PHF14: variants seen among roughly 807,000 people sequenced by gnomAD.
The protein encoded by PHF14 is PHD finger protein 14.
A neutral mutation model predicts 117.9 loss-of-function variants in PHF14; 55 were observed. The observed-to-expected ratio is 0.47, with a 90% CI of 0.38 to 0.58. The LOEUF (loss-of-function observed/expected upper bound fraction) is 0.58. Among genes scored for constraint, PHF14 ranks in the 20% least tolerant of loss-of-function variants. The pLI is 0.00. For synonymous variants in PHF14, 409 were observed against 368.6 expected (o/e 1.11, Z -1.26); for missense variants, 978 against 1,122.2 (o/e 0.87, Z 1.84).
In PHF14 at chr7:11,140,045, C is replaced by T. The variant is rs189309630; in HGVS notation, c.2772+28578C>T. 2.6e-5 allele frequency among the ~76,000 whole-genome samples: 4 copies of T among 152,212 alleles called. No individual in the cohort carries two copies. In the East Asian group the frequency reaches 7.7e-4, roughly 29 times the overall value. The stretch of plus-strand genomic sequence containing the variant: ...ATACATGTTACCCTGTAACACCTTA[C>T]ACGTTCCTACACACTATTCTGTACA... On this transcript the variant is annotated intron_variant, in intron 17 of 17. Coordinates refer to ENST00000634607, the MANE Select transcript of PHF14 (RefSeq NM_001007157.2).
chr7:11,017,833 A>G (rs757576239), intron 5 of PHF14, among the ~76,000 whole-genome samples: 12 of 152,204 alleles, frequency 7.9e-5, no homozygotes, highest in Middle Eastern at 6.8e-3. Flanking sequence ...CGCTCAAGAA[A>G]TTTTACCCAG....
At chr7:11,042,204 C>T (rs1277052407) in intron 12 of PHF14, among the ~76,000 whole-genome samples, 4 of 151,794 alleles carry the variant, frequency 2.6e-5, no homozygotes, top group African/African-American at 9.7e-5. Context: ...TGCAGTATAT[C>T]TACATGTTGA....
At chr7:11,148,101 T>TC (rs1190795447) in intron 17 of PHF14, among the ~76,000 whole-genome samples, 1 of 152,188 alleles carries the variant, frequency 6.6e-6, no homozygotes, top group Admixed American at 6.5e-5. Flanking sequence ...ATTACAGTAC[T>TC]CCAAGTTACC....
chr7:11,037,374 C>T (rs1285422760), intron 10 of PHF14, among the ~76,000 whole-genome samples: 1 of 152,050 alleles, frequency 6.6e-6, no homozygotes, highest in Non-Finnish European at 1.5e-5. Flanking sequence ...AGGGAGAAAA[C>T]TGAATCCTGA....
chr7:11,006,945 C>G, intron 4 of PHF14: 3 of 439,448 alleles, frequency 6.8e-6, no homozygotes, highest in South Asian at 5.8e-5. Flanking sequence ...GAGGCTGAGG[C>G]ATGTGGATCA....
At chr7:11,140,833 C>G (rs1036351055) in intron 17 of PHF14, among the ~76,000 whole-genome samples, 1 of 152,068 alleles carries the variant, frequency 6.6e-6, no homozygotes, top group Non-Finnish European at 1.5e-5. Context: ...TTCCCAAGTA[C>G]TTACTGACAC....
intron 14 of PHF14, among the ~76,000 whole-genome samples, chr7:11,057,310 T>C (rs1785052230): frequency 6.6e-6 from 1 of 152,176 alleles, no homozygotes; most frequent in South Asian, 2.1e-4. Flanking sequence ...TTAGTCCAAA[T>C]GATAGAAAAG....
Position 10,982,523 on chromosome 7 carries a change from A to T in PHF14, c.264A>T (p.Glu88Asp). The change falls in exon 3 of 18, where the codon GAA (glutamate) becomes GAT (aspartate). Residue 88 changes from glutamate (E) to aspartate (D), a missense_variant. Physicochemically the swap from Glu to Asp is conservative, Grantham distance 45 (BLOSUM62 2). Around this residue, in one of 7 missense-constraint regions of PHF14, gnomAD observed 414 missense variants for 376.4 expected, o/e 1.10. Coordinates refer to ENST00000634607, the MANE Select transcript of PHF14 (RefSeq NM_001007157.2). ...EEQLKNSAEE[E>D]VLSSEKQLIK... ...AACTTAAAAATTCTGCAGAGGAAGA[A>T]GTACTATCATCAGAAAAACAATTAA... 6.5e-7 allele frequency: 1 copy of T among 1,537,358 alleles called. No homozygotes were observed.
intron 16 of PHF14, chr7:11,106,156 A>G (rs910905074): frequency 2.2e-5 from 22 of 981,296 alleles, no homozygotes; most frequent in Non-Finnish European, 2.5e-5. Flanking sequence ...TTTCACATTT[A>G]ATCTTGTAAT....
intron 16 of PHF14, chr7:11,104,252 C>T: frequency 1.0e-6 from 1 of 984,418 alleles, no homozygotes. Flanking sequence ...TATTCTATTC[C>T]ACATTTGGTG....
chr7:11,017,736 C>T (rs1298842403), intron 5 of PHF14, among the ~76,000 whole-genome samples: 1 of 151,518 alleles, frequency 6.6e-6, no homozygotes, highest in Non-Finnish European at 1.5e-5. Context: ...ATTCTTTGCC[C>T]AGCTTGTTGT....
chr7:11,014,504 A>G (rs1310059988), intron 5 of PHF14, among the ~76,000 whole-genome samples: 1 of 152,126 alleles, frequency 6.6e-6, no homozygotes, highest in African/African-American at 2.4e-5. Context: ...CTGGATGGAG[A>G]GAAGGCCCTC....
intron 17 of PHF14, among the ~76,000 whole-genome samples, chr7:11,118,644 G>C (rs1006738221): frequency 1.3e-5 from 2 of 151,636 alleles, no homozygotes; most frequent in South Asian, 4.2e-4. Context: ...TGTCCTAGAC[G>C]TGTTTTCTGA....
intron 17 of PHF14, among the ~76,000 whole-genome samples, chr7:11,153,935 C>G (rs981518398): frequency 7.0e-6 from 1 of 141,912 alleles, no homozygotes; most frequent in Non-Finnish European, 1.5e-5. Context: ...AAAGTGGTCC[C>G]TGTCTGTGTG....
rs568973131 is a variant in PHF14 at position 11,162,133 on chromosome 7, G to T, written c.2773-7283G>T. On this transcript the variant is annotated intron_variant, in intron 17 of 17. Coordinates refer to ENST00000634607, the MANE Select transcript of PHF14 (RefSeq NM_001007157.2). ...AGACAGAGCCTTGCTCTGTCTCCCA[G>T]GCTGGAGTGCAGTGGTGCAATCCTG... 4.9e-5 allele frequency among the ~76,000 whole-genome samples: 6 copies of T among 122,118 alleles called. No individual in the cohort carries two copies. In the East Asian group the frequency reaches 1.5e-3, roughly 30 times the overall value. The allele number at this position is 122,118 out of a possible 152,430, so 80.1% of individuals were successfully genotyped here.
chr7:11,105,583 GT>G (rs1306257364), intron 16 of PHF14: 20 of 984,366 alleles, frequency 2.0e-5, no homozygotes, highest in Non-Finnish European at 2.4e-5. Context: ...TCAACTTGGA[GT>G]TTCCTGACAT....
intron 17 of PHF14, among the ~76,000 whole-genome samples, chr7:11,137,753 T>C (rs1788268150): frequency 6.6e-6 from 1 of 151,712 alleles, no homozygotes; most frequent in African/African-American, 2.4e-5. Flanking sequence ...GCCTGGCTAA[T>C]TTTTGTATTT....
intron 17 of PHF14, among the ~76,000 whole-genome samples, chr7:11,166,762 G>C (rs1789212676): frequency 6.6e-6 from 1 of 152,016 alleles, no homozygotes; most frequent in Admixed American, 6.6e-5. Flanking sequence ...AAAGAGATTG[G>C]CTCTTATTTG....
At chr7:11,068,562 A>G (rs1785502593) in intron 16 of PHF14, among the ~76,000 whole-genome samples, 1 of 152,106 alleles carries the variant, frequency 6.6e-6, no homozygotes, top group Non-Finnish European at 1.5e-5. Flanking sequence ...TTTAAGGGGT[A>G]CAGAGTTTCA....
Sources: gnomAD v4.1 joint callset for allele counts (sites outside exome capture counted in the v4.1 genomes callset) on GRCh38, gnomAD v4.1.1 for gene constraint, gnomAD v4.1.1 regional missense constraint, MANE v1.5 for transcripts, NCBI Gene and HGNC (gene_info 2026-07-23, HGNC 2026-07-21) for gene names.